Variants in MARCHF1 observed in about 807,000 individuals in gnomAD.
MARCHF1 encodes the protein membrane associated ring-CH-type finger 1.
A neutral mutation model predicts 54.2 loss-of-function variants in MARCHF1; 40 were observed. The observed-to-expected ratio is 0.74, with a 90% CI of 0.57 to 0.96. The LOEUF (loss-of-function observed/expected upper bound fraction) is 0.96. MARCHF1 is among the 40% of genes least tolerant of loss of function. The pLI is 0.00. For missense variants in MARCHF1, 586 were observed against 656.5 expected, an observed-to-expected ratio of 0.89 and a Z score of 1.17; for synonymous variants, 236 against 236.3, an observed-to-expected ratio of 1.00 and a Z score of 0.01.
chr4:163,601,072 C>T lies in MARCHF1; in HGVS notation c.1010+11199G>A, dbSNP rs114573085. Reference sequence around the variant, plus strand: ...GGTTGCTGCAGGGGCATTTTAATTTCCGAACCAAATTAGATACTAGTATTT... The same window carrying T: ...GGTTGCTGCAGGGGCATTTTAATTTTCGAACCAAATTAGATACTAGTATTT... On this transcript the variant is annotated intron_variant, in intron 7 of 9. Transcript: ENST00000514618. Among the ~76,000 whole-genome samples, 370 of 152,210 alleles carry T rather than the reference C, an allele frequency of 2.4e-3. 2 individuals carry two copies. The highest frequency in any genetic ancestry group is 8.3e-3 in the African/African-American group (344 of 41,544).
rs71595261 is a variant in MARCHF1 at position 164,176,980 on chromosome 4, C to CTATATATA, written c.-322-65326_-322-65319dup. 8.0e-4 allele frequency among the ~76,000 whole-genome samples: 47 copies of CTATATATA among 58,892 alleles called. 2 individuals carry two copies. The highest frequency in any genetic ancestry group is 3.5e-3 in the East Asian group (7 of 1,978). 38.6% of individuals were successfully genotyped at this position (58,892 alleles called of 152,430 possible). On this transcript the variant is annotated intron_variant, in intron 1 of 9. Coordinates refer to ENST00000514618, the MANE Select transcript of MARCHF1 (RefSeq NM_001394959.1). ...TCTCTCTCTCTCTCTCTCTCTCTCT[C>CTATATATA]TATATATATATATATATATATATAT...
intron 9 of MARCHF1, among the ~76,000 whole-genome samples, chr4:163,536,283 C>T (rs1738526330): frequency 6.6e-6 from 1 of 152,126 alleles, no homozygotes; most frequent in African/African-American, 2.4e-5. Flanking sequence ...CAGCTTTCTC[C>T]TCTGCTTAAC....
At chr4:163,692,569 A>C (rs1561022711) in intron 5 of MARCHF1, among the ~76,000 whole-genome samples, 1 of 143,208 alleles carries the variant, frequency 7.0e-6, no homozygotes, top group Non-Finnish European at 1.5e-5. Flanking sequence ...GAGATACCAC[A>C]GGGCTGGATT....
At chr4:163,920,624 G>C (rs995586073) in intron 3 of MARCHF1, among the ~76,000 whole-genome samples, 1 of 152,144 alleles carries the variant, frequency 6.6e-6, no homozygotes, top group African/African-American at 2.4e-5. Flanking sequence ...TGTGCGCTAT[G>C]CTCTCAGTAT....
At chr4:164,189,397 C>A in intron 1 of MARCHF1, 1 of 668,714 alleles carries the variant, frequency 1.5e-6, no homozygotes, top group Non-Finnish European at 2.7e-6. Context: ...TACTATGAGG[C>A]CTGTCCAGAA....
intron 5 of MARCHF1, among the ~76,000 whole-genome samples, chr4:163,698,081 T>C (rs1744690681): frequency 1.3e-5 from 2 of 152,192 alleles, no homozygotes; most frequent in South Asian, 4.1e-4. Flanking sequence ...TATATGCTCC[T>C]TTTACAGACA....
intron 1 of MARCHF1, among the ~76,000 whole-genome samples, chr4:164,225,284 CTAA>C: frequency 6.6e-6 from 1 of 151,892 alleles, no homozygotes; most frequent in Admixed American, 6.6e-5. Context: ...CGTCTTTTGC[CTAA>C]TGTTTTTTAT....
intron 1 of MARCHF1, among the ~76,000 whole-genome samples, chr4:164,346,308 C>T (rs1396787521): frequency 6.6e-6 from 1 of 151,966 alleles, no homozygotes; most frequent in Non-Finnish European, 1.5e-5. Flanking sequence ...TATAAATGTG[C>T]AGAAGTCAAA....
At chr4:163,775,060 A>G (rs950670212) in intron 4 of MARCHF1, among the ~76,000 whole-genome samples, 1 of 152,098 alleles carries the variant, frequency 6.6e-6, no homozygotes, top group African/African-American at 2.4e-5. Flanking sequence ...CTTTCATTCA[A>G]GGTAAGGCTT....
rs562066281 is a variant in MARCHF1 at position 164,200,136 on chromosome 4, A to G, written c.-322-88474T>C. Among the ~76,000 whole-genome samples the G allele has an allele frequency of 9.2e-5, 14 of 152,226 alleles. No individual in the cohort carries two copies. The South Asian group carries it at 1.5e-3, about 16-fold the overall frequency. On this transcript the variant is annotated intron_variant, in intron 1 of 9. Transcript: ENST00000514618. ...CTCTGCACTCCTATGCATGGTATGT[A>G]TGTTTGTATTACTGCATTTACCACC... is the stretch of plus-strand genomic sequence containing the variant.
intron 2 of MARCHF1, among the ~76,000 whole-genome samples, chr4:164,017,676 A>G (rs1237297829): frequency 6.6e-6 from 1 of 151,900 alleles, no homozygotes; most frequent in Non-Finnish European, 1.5e-5. Context: ...AAATACATAT[A>G]TTATTGTACG....
At chr4:163,940,380 T>C (rs4507320) in intron 3 of MARCHF1, among the ~76,000 whole-genome samples, 99,437 of 151,996 alleles carry the variant, frequency 0.65, 32,704 homozygotes, top group East Asian at 0.85. Flanking sequence ...TACATGTATA[T>C]ATTTATCTGT....
At chr4:164,199,285 C>T (rs762805112) in intron 1 of MARCHF1, among the ~76,000 whole-genome samples, 7 of 152,128 alleles carry the variant, frequency 4.6e-5, no homozygotes, top group South Asian at 2.1e-4. Flanking sequence ...ATAAACTTTT[C>T]ACTGTCATTG....
chr4:163,652,491 C>T (rs1202092067), intron 5 of MARCHF1, among the ~76,000 whole-genome samples: 1 of 151,810 alleles, frequency 6.6e-6, no homozygotes, highest in East Asian at 1.9e-4. Context: ...ACTGTGATGT[C>T]TCTCCTCCAG....
intron 4 of MARCHF1, among the ~76,000 whole-genome samples, chr4:163,799,846 C>T (rs748603773): frequency 1.3e-5 from 2 of 151,998 alleles, no homozygotes; most frequent in Non-Finnish European, 2.9e-5. Flanking sequence ...CTACATTCAT[C>T]GCAGCACTAT....
intron 2 of MARCHF1, among the ~76,000 whole-genome samples, chr4:164,013,195 G>T (rs1753459937): frequency 6.6e-6 from 1 of 152,106 alleles, no homozygotes; most frequent in African/African-American, 2.4e-5. Context: ...TTAACAAAGT[G>T]ATTGAAATCA....
chr4:163,547,036 C>T (rs12644577), intron 8 of MARCHF1, among the ~76,000 whole-genome samples: 15 of 152,306 alleles, frequency 9.8e-5, no homozygotes, highest in African/African-American at 3.4e-4. Context: ...TACGCCCTCA[C>T]TAAAGCAAAA....
intron 1 of MARCHF1, among the ~76,000 whole-genome samples, chr4:164,170,913 C>T (rs377483169): frequency 6.6e-6 from 1 of 152,080 alleles, no homozygotes; most frequent in East Asian, 1.9e-4. Flanking sequence ...CACAAATATT[C>T]ATGAGTAATT....
intron 3 of MARCHF1, among the ~76,000 whole-genome samples, chr4:163,854,462 T>C (rs761456924): frequency 2.8e-4 from 43 of 152,196 alleles, no homozygotes; most frequent in Non-Finnish European, 4.9e-4. Context: ...AAGTGTTATT[T>C]TCAGAGATCA....
Sources: gnomAD v4.1 joint callset for allele counts (sites outside exome capture counted in the v4.1 genomes callset) on GRCh38, gnomAD v4.1.1 for gene constraint, MANE v1.5 for transcripts, NCBI Gene and HGNC (gene_info 2026-07-23, HGNC 2026-07-21) for gene names.